The following ZCCHC10 variants were observed in gnomAD, a reference collection of about 807,000 sequenced individuals.
ZCCHC10 encodes the protein zinc finger CCHC domain-containing protein 10.
Under a neutral mutation model 19.5 loss-of-function variants are expected in ZCCHC10, and 16 were observed. The observed-to-expected ratio is 0.82, with a 90% confidence interval of 0.56 to 1.25. The LOEUF is 1.25. Ranked by LOEUF, ZCCHC10 falls within the 50% of genes most tolerant of loss-of-function variation. The pLI, the probability that ZCCHC10 is intolerant of heterozygous loss-of-function variation, is 0.00. For synonymous variants in ZCCHC10, 67 were observed against 72.5 expected, an observed-to-expected ratio of 0.92 and a Z score of 0.38; for missense variants, 197 against 201.0, an observed-to-expected ratio of 0.98 and a Z score of 0.12.
chr5:133,012,865 A>C (rs1359816834), intron 2 of ZCCHC10, among the ~76,000 whole-genome samples: 2 of 152,070 alleles, frequency 1.3e-5, no homozygotes, highest in African/African-American at 4.8e-5. Context: ...CCTGGCTAAC[A>C]CGGTGAAACC....
At chr5:133,019,009 T>G (rs1764111019) in intron 2 of ZCCHC10, 2 of 436,046 alleles carry the variant, frequency 4.6e-6, no homozygotes, top group Non-Finnish European at 9.1e-6. Context: ...CTTGGGACCC[T>G]AGTCATTAAA....
rs1395702897 is a variant in ZCCHC10 at position 133,022,844 on chromosome 5, A to G, written c.104T>C (p.Ile35Thr). 6.6e-6 allele frequency: 4 copies of G among 606,192 alleles called. No individual in the cohort carries two copies. The highest frequency in any genetic ancestry group is 8.7e-6 in the Non-Finnish European group (3 of 342,932). 37.6% of individuals were successfully genotyped at this position (606,192 alleles called of 1,614,324 possible). A position where few individuals can be genotyped will look rare whatever the true frequency, so the allele number is the denominator to read the frequency against. The change falls in exon 2 of 5, where the codon ATT (isoleucine) becomes ACT (threonine). Residue 35 changes from isoleucine to threonine, a missense_variant. Transcript: ENST00000509437. ...FWILIQPSIV[I>T]SEANKQHVRC... Reference sequence around the variant, plus strand: ...GACACAAAGCTGAGAGGGATACCTAATAACGATGGATGGCTGAATCAGGAT... The same window carrying G: ...GACACAAAGCTGAGAGGGATACCTAGTAACGATGGATGGCTGAATCAGGAT...
chr5:133,005,735 T>C (rs1202439979), intron 3 of ZCCHC10, among the ~76,000 whole-genome samples: 1 of 152,158 alleles, frequency 6.6e-6, no homozygotes, highest in Admixed American at 6.6e-5. Context: ...GGTATACCTT[T>C]CTTTTGTGAG....
chr5:132,998,288 A>G lies in ZCCHC10; in HGVS notation c.*295T>C. 1 of 286,750 alleles carries G rather than the reference A, an allele frequency of 3.5e-6. No homozygotes were observed. Among genetic ancestry groups the G allele is most frequent in the Non-Finnish European group, 6.7e-6 (1 of 149,988 alleles). 17.8% of individuals were successfully genotyped at this position (286,750 alleles called of 1,614,324 possible). On this transcript the variant is annotated 3_prime_UTR_variant, in exon 5 of 5. Transcript: ENST00000509437. Reference sequence around the variant, plus strand: ...ACATATATAACAAAGTATGGCATTTATTTCACAGAGAGAAAAGATAGTTTC... The same window carrying G: ...ACATATATAACAAAGTATGGCATTTGTTTCACAGAGAGAAAAGATAGTTTC...
At chr5:133,008,969 C>T (rs376486654) in intron 2 of ZCCHC10, among the ~76,000 whole-genome samples, 7 of 152,040 alleles carry the variant, frequency 4.6e-5, no homozygotes, top group African/African-American at 1.7e-4. Flanking sequence ...GCTATGATTG[C>T]ACCACTGCAC....
In ZCCHC10 at chr5:132,998,704, GA is replaced by G. The variant is rs1762575803; in HGVS notation, c.457del (p.Ser153ProfsTer49). ...AGAGGAGGAGGAAGAGGTTGTGGAG[GA>G]GGCTGAGGATGAGGAACTAGAGGAG... ...ESSSSSSSSA[S>X]STTSSSSSDS... On this transcript the variant is annotated frameshift_variant, in exon 5 of 5. Transcript: ENST00000509437. LOFTEE classifies it high-confidence loss of function. 1.9e-6 allele frequency: 3 copies of G among 1,614,042 alleles called. No homozygotes were observed. The highest frequency in any genetic ancestry group is 2.7e-5 in the African/African-American group (2 of 74,922).
At chr5:133,005,250 C>T (rs753543361) in intron 3 of ZCCHC10, among the ~76,000 whole-genome samples, 2 of 151,596 alleles carry the variant, frequency 1.3e-5, no homozygotes, top group Admixed American at 6.6e-5. Context: ...GAGCTGAGAT[C>T]GCACCACTGC....
At chr5:133,007,327 G>C (rs1182174865) in intron 2 of ZCCHC10, among the ~76,000 whole-genome samples, 1 of 152,064 alleles carries the variant, frequency 6.6e-6, no homozygotes, top group East Asian at 1.9e-4. Context: ...CGGATTACGA[G>C]GTCAGGAGAT....
At chr5:133,025,504 A>AG (rs1764624221) in intron 1 of ZCCHC10, among the ~76,000 whole-genome samples, 1 of 104,654 alleles carries the variant, frequency 9.6e-6, no homozygotes, top group African/African-American at 4.1e-5. Context: ...ACTCCGCCTC[A>AG]AAAAAAAAAA....
In ZCCHC10 at chr5:133,013,075, A is replaced by T. The variant is rs1387163067; in HGVS notation, c.108-6155T>A. 2.7e-3 allele frequency among the ~76,000 whole-genome samples: 392 copies of T among 145,888 alleles called. 2 individuals carry two copies. The highest frequency in any genetic ancestry group is 9.7e-3 in the African/African-American group (376 of 38,886). On this transcript the variant is annotated intron_variant, in intron 2 of 4. Transcript: ENST00000509437. ...CAAAAAAAAATTAAAAAAAAAAAAA[A>T]ATAATAAATAAATAAAAATAAAAAT...
chr5:133,025,952 A>C (rs1764674190), intron 1 of ZCCHC10, among the ~76,000 whole-genome samples: 1 of 152,272 alleles, frequency 6.6e-6, no homozygotes, highest in African/African-American at 2.4e-5. Flanking sequence ...TGTCTGGCAC[A>C]GAACGGTAGG....
chr5:133,013,487 G>C (rs914733854), intron 2 of ZCCHC10, among the ~76,000 whole-genome samples: 6 of 152,084 alleles, frequency 3.9e-5, no homozygotes, highest in Admixed American at 1.3e-4. Context: ...ACTTTGGAAG[G>C]CTGAGGCGGG....
At position 132,998,687 on chromosome 5, in the gene ZCCHC10, A is replaced by G; in HGVS notation, c.475T>C (p.Ser159Pro). The G allele has an allele frequency of 6.2e-7, 1 of 1,614,074 alleles. No homozygotes were observed. Among genetic ancestry groups the G allele is most frequent in the Non-Finnish European group, 8.5e-7 (1 of 1,180,012 alleles). Residue 159 changes from serine (S) to proline (P), a missense_variant, in exon 5 of 5, where the codon TCC becomes CCC. Ser to Pro is a moderately conservative substitution (Grantham distance 74). Transcript: ENST00000509437. Reference sequence around the variant, plus strand: ...GAATCTGAGTCTGAATCAGAGGAGGAGGAAGAGGTTGTGGAGGAGGCTGAG... The same window carrying G: ...GAATCTGAGTCTGAATCAGAGGAGGGGGAAGAGGTTGTGGAGGAGGCTGAG... The part of the protein sequence containing the change: ...SSSASSTTSS[S>P]SSDSDSDSSS...
At chr5:133,001,953 CTTTTTTTTTTTT>C (rs34331639) in intron 3 of ZCCHC10, among the ~76,000 whole-genome samples, 4 of 77,842 alleles carry the variant, frequency 5.1e-5, no homozygotes, top group East Asian at 4.1e-4. Flanking sequence ...ATTCAGCAAT[CTTTTTTTTTTTT>C]TTTTTTTTTT....
At chr5:133,025,472 C>A (rs1764617294) in intron 1 of ZCCHC10, among the ~76,000 whole-genome samples, 1 of 134,940 alleles carries the variant, frequency 7.4e-6, no homozygotes, top group Admixed American at 8.5e-5. Context: ...CCTCTGCACT[C>A]CAGCCTGGGA....
chr5:133,015,058 C>A (rs1338488688), intron 2 of ZCCHC10, among the ~76,000 whole-genome samples: 1 of 150,778 alleles, frequency 6.6e-6, no homozygotes, highest in Non-Finnish European at 1.5e-5. Flanking sequence ...GAGTGCCTAC[C>A]AGACTTCGCC....
intron 2 of ZCCHC10, among the ~76,000 whole-genome samples, chr5:133,007,700 T>G (rs1028902586): frequency 6.6e-6 from 1 of 152,166 alleles, no homozygotes; most frequent in Non-Finnish European, 1.5e-5. Context: ...TCCAATAAAC[T>G]TTTTTGTTGT....
chr5:133,012,089 A>G (rs1763579050), intron 2 of ZCCHC10, among the ~76,000 whole-genome samples: 1 of 147,318 alleles, frequency 6.8e-6, no homozygotes. Flanking sequence ...GTGAACCAAG[A>G]TCATGCCACT....
intron 3 of ZCCHC10, among the ~76,000 whole-genome samples, chr5:133,003,787 T>C (rs1762927174): frequency 6.6e-6 from 1 of 152,242 alleles, no homozygotes; most frequent in Admixed American, 6.5e-5. Context: ...TTCAGCTCCC[T>C]GCAACTTCTG....
Sources: gnomAD v4.1 joint callset for allele counts (sites outside exome capture counted in the v4.1 genomes callset) on GRCh38, gnomAD v4.1.1 for gene constraint, MANE v1.5 for transcripts, NCBI Gene and HGNC (gene_info 2026-07-23, HGNC 2026-07-21) for gene names.